APBB1: variants seen among roughly 807,000 people sequenced by gnomAD.
APBB1 encodes the protein amyloid beta precursor protein binding family B member 1, also known as adaptor protein FE65a2.
In APBB1, 22 loss-of-function variants were observed where a neutral mutation model predicts 78.4. The observed-to-expected ratio is 0.28, with a 90% CI of 0.20 to 0.40. The LOEUF (loss-of-function observed/expected upper bound fraction) is 0.40, where lower values mean the gene tolerates loss of function less well. APBB1 is among the 10% of genes least tolerant of loss of function. The pLI is 1.00. For missense variants in APBB1, 749 were observed against 932.4 expected (o/e 0.80, Z 2.56); for synonymous variants, 369 against 372.7 (o/e 0.99, Z 0.12).
rs549664023 is a variant in APBB1 at position 6,416,131 on chromosome 11, A to C, written c.-15+2854T>G. ...TGCTCGTCTTGGTTGTCCTCCCAGC[A>C]GCATCTGACCCCGTGAATCTCTCAT... On this transcript the variant is annotated intron_variant, in intron 1 of 14. Transcript: ENST00000609360. Among the ~76,000 whole-genome samples, 9 of 152,292 alleles carry C rather than the reference A, an allele frequency of 5.9e-5. No homozygotes were observed. The South Asian group carries it at 8.3e-4, about 14-fold the overall frequency.
Position 6,401,947 on chromosome 11 carries a change from G to C in APBB1, c.1388+30C>G. 1 of 1,554,490 alleles carries C rather than the reference G, an allele frequency of 6.4e-7. No individual in the cohort carries two copies. The highest frequency in any genetic ancestry group is 2.3e-5 in the East Asian group (1 of 44,386). Reference sequence around the variant, plus strand: ...TGGGTGCTTCCAGGCATCTGGTCCAGGTGTAGGAGGGGGAAAATAGGCATA... The same window carrying C: ...TGGGTGCTTCCAGGCATCTGGTCCACGTGTAGGAGGGGGAAAATAGGCATA... On this transcript the variant is annotated intron_variant, in intron 9 of 14. Transcript: ENST00000609360. This position sits in a 1 kb window ranked among gnomAD's most constrained non-coding sequence, Gnocchi z 4.5.
Position 6,395,675 on chromosome 11 carries a change from G to A in APBB1, c.1992C>T (p.Ala664=), listed in dbSNP as rs1476083924. Residue 664 remains alanine (A), a synonymous_variant, in exon 15 of 15, where the codon GCC becomes GCT. Transcript: ENST00000609360. The surrounding 1 kb of genome is among the most constrained non-coding windows in gnomAD (Gnocchi z 5.2). ...GGCAGGAGGTGGAGGCCTGGGAACGGGCATCCAGACACTTCTGGTAGCGAA... is the reference window on the plus strand; with the variant it reads ...GGCAGGAGGTGGAGGCCTGGGAACGAGCATCCAGACACTTCTGGTAGCGAA... ...CMLRYQKCLD[A]RSQASTSCLP... is the part of the protein sequence containing the mutation. 6.3e-6 allele frequency: 10 copies of A among 1,589,430 alleles called. No individual in the cohort carries two copies. The African/African-American group carries it at 1.1e-4, about 17-fold the overall frequency.
At chr11:6,419,232 T>A (rs1849199951), upstream of APBB1, 2 of 296,756 alleles carry the variant, frequency 6.7e-6, no homozygotes, top group Non-Finnish European at 1.2e-5. Context: ...CGGGCGGCCC[T>A]CGGACCTCGG....
At chr11:6,418,796 G>C (rs1238617222) in intron 1 of APBB1, among the ~76,000 whole-genome samples, 189 bp downstream of exon 1, 2 of 152,200 alleles carry the variant, frequency 1.3e-5, no homozygotes, top group Admixed American at 6.5e-5. Context: ...GTGAGGGCCC[G>C]AGTGGACCCT....
chr11:6,410,816 C>G lies in APBB1; in HGVS notation c.532G>C (p.Gly178Arg). ...EEEEDLSSPP[G>R]LPEPLESVEA... ...ACACTCTCCAGGGGCTCAGGCAGCC[C>G]TGGGGGAGAAGATAAGTCCTCCTCC... The change falls in exon 2 of 15, where the codon GGG becomes CGG. Residue 178 changes from glycine (G) to arginine (R), a missense_variant. This residue lies in a region of APBB1 where 635 missense variants were observed against 765.0 expected (regional missense o/e 0.83). Coordinates refer to ENST00000609360, the MANE Select transcript of APBB1 (RefSeq NM_001164.5). 1 of 1,613,820 alleles carries G rather than the reference C, an allele frequency of 6.2e-7. No homozygotes were observed. The highest frequency in any genetic ancestry group is 8.5e-7 in the Non-Finnish European group (1 of 1,179,800).
intron 12 of APBB1, 174 bp from the exon 13 acceptor site, chr11:6,396,389 T>C: frequency 6.8e-6 from 4 of 584,664 alleles, no homozygotes; most frequent in East Asian, 6.2e-5. Flanking sequence ...TCTCCTCCCC[T>C]GGCTTCAGTA....
intron 2 of APBB1, among the ~76,000 whole-genome samples, chr11:6,410,016 G>T (rs867088773): frequency 4.6e-5 from 7 of 151,966 alleles, no homozygotes; most frequent in Admixed American, 2.6e-4. Context: ...GGGAGCTGCT[G>T]GCTGCTCCCA....
At position 6,401,061 on chromosome 11, in the gene APBB1, C is replaced by A; in HGVS notation, c.1600G>T (p.Ala534Ser). Residue 534 changes from alanine to serine, a missense_variant, in exon 12 of 15, where the codon GCG (alanine) becomes TCG (serine). Around this residue, in one of 3 missense-constraint regions of APBB1, gnomAD observed 635 missense variants for 765.0 expected, o/e 0.83. Transcript: ENST00000609360. This position sits in a 1 kb window ranked among gnomAD's most constrained non-coding sequence, Gnocchi z 4.5. ...TTCTGGACCAACTCATTCTTAGGCG[C>A]TGGGAATTCCACTATGGGAAAGAAG... ...VDVPFQVEFPAPKNELVQKFQ... is the reference protein window; with the variant it reads ...VDVPFQVEFPSPKNELVQKFQ... 23 of 1,614,132 alleles carry A rather than the reference C, an allele frequency of 1.4e-5. No homozygotes were observed. Among genetic ancestry groups the A allele is most frequent in the Non-Finnish European group, 1.9e-5 (23 of 1,180,028 alleles).
At chr11:6,406,837 C>T (rs1251620916) in intron 2 of APBB1, among the ~76,000 whole-genome samples, 3 of 152,196 alleles carry the variant, frequency 2.0e-5, no homozygotes, top group Non-Finnish European at 4.4e-5. Context: ...TCCTGTACTT[C>T]CCCAGCCCCA....
intron 12 of APBB1, 61 bp downstream of exon 12, chr11:6,400,928 G>T: frequency 6.7e-7 from 1 of 1,486,200 alleles, no homozygotes; most frequent in South Asian, 1.1e-5. Flanking sequence ...GGAAGGCAGA[G>T]GGTAGGGGCA....
intron 1 of APBB1, among the ~76,000 whole-genome samples, chr11:6,414,878 G>A (rs368872327): frequency 7.9e-5 from 12 of 152,260 alleles, no homozygotes; most frequent in African/African-American, 2.6e-4. Flanking sequence ...TTTCTCAAAG[G>A]TCAGGCAGAG....
Position 6,395,381 on chromosome 11 carries a change from T to G in APBB1, c.*153A>C. ...TCCTTGAAGGGATTAGATCTCTCCC[T>G]CCCCAGCTCCTAGGCAGGGAACCGT... is the stretch of plus-strand genomic sequence containing the variant. On this transcript the variant is annotated 3_prime_UTR_variant, in exon 15 of 15. Transcript: ENST00000609360. The surrounding 1 kb of genome is among the most constrained non-coding windows in gnomAD (Gnocchi z 5.2). 2 of 800,190 alleles carry G rather than the reference T, an allele frequency of 2.5e-6. No individual in the cohort carries two copies. The highest frequency in any genetic ancestry group is 3.5e-5 in the Admixed American group (1 of 28,458). 49.6% of individuals were successfully genotyped at this position (800,190 alleles called of 1,614,324 possible). A position where few individuals can be genotyped will look rare whatever the true frequency, so the allele number is the denominator to read the frequency against.
intron 1 of APBB1, among the ~76,000 whole-genome samples, 156 bp downstream of exon 1, chr11:6,418,829 G>A (rs1417192930): frequency 6.6e-6 from 1 of 152,192 alleles, no homozygotes; most frequent in Non-Finnish European, 1.5e-5. Flanking sequence ...ATGAGAGGAC[G>A]GTCTGCGGGC....
At chr11:6,400,849 G>C in intron 12 of APBB1, 140 bp downstream of exon 12, 1 of 806,876 alleles carries the variant, frequency 1.2e-6, no homozygotes, top group South Asian at 1.4e-5. Context: ...CAGAAGTATG[G>C]GGAGGTGGGA....
At position 6,403,822 on chromosome 11, in the gene APBB1, T is replaced by A. The variant is rs1288987921; in HGVS notation, c.722A>T (p.Asp241Val). 6.5e-7 allele frequency: 1 copy of A among 1,540,736 alleles called. No individual in the cohort carries two copies. Among genetic ancestry groups the A allele is most frequent in the Non-Finnish European group, 8.8e-7 (1 of 1,142,078 alleles). The change falls in exon 3 of 15, where the codon GAT (aspartate) becomes GTT (valine). Residue 241 changes from aspartate to valine, a missense_variant and splice_region_variant. Physicochemically the swap from Asp to Val is radical, Grantham distance 152 (BLOSUM62 -3). Around this residue, in one of 3 missense-constraint regions of APBB1, gnomAD observed 635 missense variants for 765.0 expected, o/e 0.83. Coordinates refer to ENST00000609360, the MANE Select transcript of APBB1 (RefSeq NM_001164.5). This position sits in a 1 kb window ranked among gnomAD's most constrained non-coding sequence, Gnocchi z 5.3. ...SPSYGSPEDT[D>V]SFWNPNAFET... ...GAAGGCGTTGGGGTTCCAGAAGGAA[T>A]CTGCCAGGTGGGAGGCTTGGTGAGG...
chr11:6,404,219 C>T (rs1408044198), intron 2 of APBB1, among the ~76,000 whole-genome samples: 1 of 152,214 alleles, frequency 6.6e-6, no homozygotes, highest in Non-Finnish European at 1.5e-5. Context: ...ACACACAACA[C>T]ATACAAGCCC....
At position 6,411,283 on chromosome 11, in the gene APBB1, A is replaced by G; in HGVS notation, c.65T>C (p.Leu22Pro). ...INANSHGGPA[L>P]SLPLPLHAAH... ...AGCGTGCAGAGGCAGGGGTAGGCTC[A>G]GTGCGGGGCCTCCGTGGCTGTTGGC... The change falls in exon 2 of 15, where the codon CTG becomes CCG. Residue 22 changes from leucine to proline, a missense_variant. By Grantham distance (98) the Leu-to-Pro change is moderately conservative. Around this residue, in one of 3 missense-constraint regions of APBB1, gnomAD observed 635 missense variants for 765.0 expected, o/e 0.83. Transcript: ENST00000609360. This position sits in a 1 kb window ranked among gnomAD's most constrained non-coding sequence, Gnocchi z 5.2. 6.3e-7 allele frequency: 1 copy of G among 1,589,122 alleles called. No individual in the cohort carries two copies. The highest frequency in any genetic ancestry group is 8.6e-7 in the Non-Finnish European group (1 of 1,168,642).
chr11:6,402,294 C>G, intron 7 of APBB1, 85 bp from the exon 8 acceptor site: 1 of 1,563,422 alleles, frequency 6.4e-7, no homozygotes, highest in Non-Finnish European at 8.6e-7. Context: ...GGGATGTTAG[C>G]CACAGCTCTG....
chr11:6,400,012 T>C (rs1190742457), intron 12 of APBB1, among the ~76,000 whole-genome samples: 1 of 152,178 alleles, frequency 6.6e-6, no homozygotes, highest in African/African-American at 2.4e-5. Context: ...AATTCCTTTG[T>C]TATATCTTGC....
Sources: allele counts gnomAD v4.1 joint callset (sites outside exome capture counted in the v4.1 genomes callset), GRCh38; gene constraint gnomAD v4.1.1; regional missense constraint gnomAD v4.1.1; non-coding constraint Gnocchi (gnomAD v3.1); transcripts MANE v1.5; gene names NCBI Gene and HGNC (gene_info 2026-07-23, HGNC 2026-07-21).